SUFU: variants seen among roughly 807,000 people sequenced by gnomAD.
SUFU encodes the protein suppressor of fused homolog.
A neutral mutation model predicts 58.9 loss-of-function variants in SUFU; 7 were observed. That is an observed-to-expected ratio of 0.12 (90% CI 0.07 to 0.22). The LOEUF (loss-of-function observed/expected upper bound fraction) is 0.22, where lower values mean the gene tolerates loss of function less well. SUFU is among the 10% of genes least tolerant of loss of function. The pLI, the probability that SUFU is intolerant of heterozygous loss-of-function variation, is 1.00. For synonymous variants in SUFU, 232 were observed against 254.8 expected (o/e 0.91, Z 0.85); for missense variants, 451 against 641.3 (o/e 0.70, Z 3.20).
At position 102,632,147 on chromosome 10, in the gene SUFU, C is replaced by A. The variant is rs556322808; in HGVS notation, c.*1992C>A. 4 of 233,380 alleles carry A rather than the reference C, an allele frequency of 1.7e-5. No homozygotes were observed. In the South Asian group the frequency reaches 7.2e-4, roughly 42 times the overall value. The allele number at this position is 233,380 out of a possible 1,614,324, so 14.5% of individuals were successfully genotyped here. ...TCGCCGTACTTCCATCTGCTGGGTG[C>A]CTCCATCGTTGGTTGGGTGGGGATG... On this transcript the variant is annotated 3_prime_UTR_variant, in exon 12 of 12. Coordinates refer to ENST00000369902, the MANE Select transcript of SUFU (RefSeq NM_016169.4).
intron 2 of SUFU, among the ~76,000 whole-genome samples, chr10:102,519,359 C>CT (rs2062518247): frequency 6.6e-6 from 1 of 151,134 alleles, no homozygotes. Context: ...ACCGTCTCTA[C>CT]TAAAAAAAAC....
chr10:102,619,444 C>T lies in SUFU; in HGVS notation c.1296+2016C>T. On this transcript the variant is annotated intron_variant, in intron 10 of 11. Coordinates refer to ENST00000369902, the MANE Select transcript of SUFU (RefSeq NM_016169.4). The surrounding 1 kb of genome is among the most constrained non-coding windows in gnomAD (Gnocchi z 4.2). ...GCCTCGGCATGTTTCAATAAAGTTG[C>T]TGTGCTGGGAGCTACTCAATCAAAG... 7.6e-7 allele frequency: 1 copy of T among 1,308,926 alleles called. No homozygotes were observed. Among genetic ancestry groups the T allele is most frequent in the Non-Finnish European group, 9.8e-7 (1 of 1,021,110 alleles). The allele number at this position is 1,308,926 out of a possible 1,614,324, so 81.1% of individuals were successfully genotyped here. A position where few individuals can be genotyped will look rare whatever the true frequency, so the allele number is the denominator to read the frequency against.
rs140208390 is a variant in SUFU, at chr10:102,565,784, G to T, written c.454+15678G>T. 1.0e-3 allele frequency among the ~76,000 whole-genome samples: 158 copies of T among 152,232 alleles called. 1 individual carries two copies. Among genetic ancestry groups the T allele is most frequent in the African/African-American group, 3.5e-3 (147 of 41,532 alleles). ...GATGGTCTCTATCTCCTGACCTCGT[G>T]ATCTACCCGCCTCGGCCTCCCAAAG... is the stretch of plus-strand genomic sequence containing the variant. On this transcript the variant is annotated intron_variant, in intron 3 of 11. Transcript: ENST00000369902.
At chr10:102,586,924 C>G (rs2063340877) in intron 3 of SUFU, among the ~76,000 whole-genome samples, 1 of 152,128 alleles carries the variant, frequency 6.6e-6, no homozygotes. Flanking sequence ...ATTTGCCTAC[C>G]CTAGGTACTT....
chr10:102,560,141 A>G (rs764363335), intron 3 of SUFU, among the ~76,000 whole-genome samples: 2 of 152,228 alleles, frequency 1.3e-5, no homozygotes, highest in Non-Finnish European at 2.9e-5. Flanking sequence ...ATACTTGCTC[A>G]TTATAAAATT....
intron 1 of SUFU, 98 bp downstream of exon 1, chr10:102,504,432 G>A: frequency 6.4e-7 from 1 of 1,558,770 alleles, no homozygotes; most frequent in Admixed American, 1.9e-5. Flanking sequence ...GAGGGGTAGA[G>A]AATGGTTAAA....
chr10:102,574,064 T>G (rs1273734421), intron 3 of SUFU, among the ~76,000 whole-genome samples: 1 of 152,236 alleles, frequency 6.6e-6, no homozygotes, highest in Non-Finnish European at 1.5e-5. Context: ...ATCTTTACTT[T>G]TGCCATATTC....
intron 3 of SUFU, among the ~76,000 whole-genome samples, chr10:102,566,540 G>A (rs929152345): frequency 2.0e-5 from 3 of 151,886 alleles, no homozygotes; most frequent in African/African-American, 4.8e-5. Context: ...CCAAGGGGGC[G>A]GCTCACAGGG....
intron 3 of SUFU, among the ~76,000 whole-genome samples, chr10:102,563,772 T>A (rs2063062148): frequency 6.8e-6 from 1 of 147,506 alleles, no homozygotes; most frequent in Non-Finnish European, 1.5e-5. Context: ...AGTGAAGTCC[T>A]TTTTTTTTTG....
At position 102,519,017 on chromosome 10, in the gene SUFU, T is replaced by TGTAGTCCCAGCTAGGC. The variant is rs2062510943; in HGVS notation, c.317+9716_317+9731dup. Among the ~76,000 whole-genome samples, 3 of 151,260 alleles carry TGTAGTCCCAGCTAGGC rather than the reference T, an allele frequency of 2.0e-5. No homozygotes were observed. The Middle Eastern group carries it at 0.01, about 518-fold the overall frequency. ...TTAGCCAGGCGTGGTGGCAGGCGCC[T>TGTAGTCCCAGCTAGGC]GTAGTCCCAGCTAGGCGGGAGGCTG... On this transcript the variant is annotated intron_variant, in intron 2 of 11. Transcript: ENST00000369902.
At position 102,617,480 on chromosome 10, in the gene SUFU, C is replaced by A. The variant is rs2063699013; in HGVS notation, c.1296+52C>A. ...CCTTCCTTTCATAGACTTCCTTGCC[C>A]ACCCCTCCTCTTCTCCCTTGGCAGC... On this transcript the variant is annotated intron_variant, in intron 10 of 11. Transcript: ENST00000369902. The surrounding 1 kb of genome is among the most constrained non-coding windows in gnomAD (Gnocchi z 4.4). 6.2e-7 allele frequency: 1 copy of A among 1,612,750 alleles called. No homozygotes were observed. The highest frequency in any genetic ancestry group is 1.7e-4 in the Middle Eastern group (1 of 6,058).
rs957318415 is a variant in SUFU at position 102,619,374 on chromosome 10, G to T, written c.1296+1946G>T. On this transcript the variant is annotated intron_variant, in intron 10 of 11. Coordinates refer to ENST00000369902, the MANE Select transcript of SUFU (RefSeq NM_016169.4). The surrounding 1 kb of genome is among the most constrained non-coding windows in gnomAD (Gnocchi z 4.2). ...TCCCCAGCACATGGTCCCCTCCCAT[G>T]GGCTGTTGCCCAGGGAACCGGGGCG... 2.0e-5 allele frequency: 28 copies of T among 1,404,776 alleles called. No homozygotes were observed. In the African/African-American group the frequency reaches 2.3e-4, roughly 12 times the overall value. The allele number at this position is 1,404,776 out of a possible 1,614,324, so 87.0% of individuals were successfully genotyped here. A position where few individuals can be genotyped will look rare whatever the true frequency, so the allele number is the denominator to read the frequency against.
At position 102,612,216 on chromosome 10, in the gene SUFU, C is replaced by CGT. The variant is rs1564705062; in HGVS notation, c.1023-3052_1023-3051insGT. On this transcript the variant is annotated intron_variant, in intron 8 of 11. Coordinates refer to ENST00000369902, the MANE Select transcript of SUFU (RefSeq NM_016169.4). The stretch of plus-strand genomic sequence containing the variant: ...GTGTGTGTGTGTGTGTGTGCACGCG[C>CGT]ATGTGTGTGTGTGTGTATAGCAGCC... Among the ~76,000 whole-genome samples the CGT allele has an allele frequency of 1.2e-3, 130 of 109,162 alleles. 1 individual carries two copies. Among genetic ancestry groups the CGT allele is most frequent in the African/African-American group, 4.3e-3 (126 of 29,640 alleles). The allele number at this position is 109,162 out of a possible 152,430, so 71.6% of individuals were successfully genotyped here.
intron 3 of SUFU, among the ~76,000 whole-genome samples, chr10:102,559,778 A>G (rs1157185663): frequency 1.3e-5 from 2 of 152,184 alleles, no homozygotes; most frequent in African/African-American, 4.8e-5. Flanking sequence ...ATTCTGCTGG[A>G]GAGGCTATCT....
chr10:102,565,853 T>C (rs1297967409), intron 3 of SUFU, among the ~76,000 whole-genome samples: 1 of 152,186 alleles, frequency 6.6e-6, no homozygotes, highest in Non-Finnish European at 1.5e-5. Context: ...GCCGAAAGCA[T>C]TTATTTGATA....
At chr10:102,543,300 A>G (rs752599155) in intron 2 of SUFU, among the ~76,000 whole-genome samples, 2 of 152,094 alleles carry the variant, frequency 1.3e-5, no homozygotes, top group Non-Finnish European at 2.9e-5. Flanking sequence ...CATTTCTTTT[A>G]TTATGTGTGA....
chr10:102,542,916 T>A (rs2062819026), intron 2 of SUFU, among the ~76,000 whole-genome samples: 1 of 152,250 alleles, frequency 6.6e-6, no homozygotes, highest in Non-Finnish European at 1.5e-5. Context: ...TGAACCACCG[T>A]GCCCAGCCTC....
intron 2 of SUFU, among the ~76,000 whole-genome samples, chr10:102,530,478 A>G (rs1434934223): frequency 2.2e-5 from 3 of 138,650 alleles, no homozygotes; most frequent in East Asian, 4.2e-4. Context: ...TAATGGAGAC[A>G]GGGACTCACT....
At chr10:102,556,310 G>C (rs2062976757) in intron 3 of SUFU, among the ~76,000 whole-genome samples, 1 of 152,236 alleles carries the variant, frequency 6.6e-6, no homozygotes, top group African/African-American at 2.4e-5. Flanking sequence ...GGTTTGCGCA[G>C]AGGTGGAAGC....
Sources: allele counts gnomAD v4.1 joint callset (sites outside exome capture counted in the v4.1 genomes callset), GRCh38; gene constraint gnomAD v4.1.1; non-coding constraint Gnocchi (gnomAD v3.1); transcripts MANE v1.5; gene names NCBI Gene and HGNC (gene_info 2026-07-23, HGNC 2026-07-21).